The following TAGAP variants were observed in gnomAD, a reference collection of about 807,000 sequenced individuals.
TAGAP encodes the protein T-cell activation Rho GTPase-activating protein.
A neutral mutation model predicts 36.0 loss-of-function variants in TAGAP; 16 were observed. That is an observed-to-expected ratio of 0.44 (90% confidence interval 0.30 to 0.68). The LOEUF (loss-of-function observed/expected upper bound fraction) is 0.68, where lower values mean the gene tolerates loss of function less well. TAGAP is among the 30% of genes least tolerant of loss of function. The probability of loss-of-function intolerance (pLI) is 0.09; values close to 1 mark genes in which losing one functional copy is unlikely to be tolerated. For synonymous variants in TAGAP, 372 were observed against 377.4 expected (o/e 0.99, Z 0.17); for missense variants, 794 against 921.5 (o/e 0.86, Z 1.79).
At chr6:159,039,945 C>T (rs975019966) in intron 7 of TAGAP, among the ~76,000 whole-genome samples, 29 of 152,088 alleles carry the variant, frequency 1.9e-4, no homozygotes, top group African/African-American at 7.0e-4. Flanking sequence ...TATAAAAATG[C>T]CTTATGTCTA....
chr6:159,038,685 A>C (rs1225480136), intron 8 of TAGAP, among the ~76,000 whole-genome samples: 5 of 152,180 alleles, frequency 3.3e-5, no homozygotes, highest in African/African-American at 1.2e-4. Flanking sequence ...CCACCATGCC[A>C]ACAATCACAT....
chr6:159,041,975 T>A lies in TAGAP; in HGVS notation c.315+103A>T. The A allele has an allele frequency of 7.7e-7, 1 of 1,293,620 alleles. No individual in the cohort carries two copies. Among genetic ancestry groups the A allele is most frequent in the South Asian group, 1.4e-5 (1 of 70,554 alleles). 80.1% of individuals were successfully genotyped at this position (1,293,620 alleles called of 1,614,324 possible). A position where few individuals can be genotyped will look rare whatever the true frequency, so the allele number is the denominator to read the frequency against. ...GTTGAAGAGTGGAAAATATGGAAGA[T>A]CAGTCCCTACAAACTTAATAGGAGA... On this transcript the variant is annotated intron_variant, in intron 5 of 9. Transcript: ENST00000367066. This position sits in a 1 kb window ranked among gnomAD's most constrained non-coding sequence, Gnocchi z 4.1.
chr6:159,038,050 A>G (rs930609080), intron 9 of TAGAP, 64 bp downstream of exon 9: 3 of 1,073,164 alleles, frequency 2.8e-6, no homozygotes, highest in African/African-American at 1.6e-5. Flanking sequence ...GATGCTTTAC[A>G]TGACTGGCAG....
chr6:159,036,447 C>T lies in TAGAP; in HGVS notation c.1576G>A (p.Ala526Thr), dbSNP rs769115087. The change falls in exon 10 of 10, where the codon GCG becomes ACG. Residue 526 changes from alanine to threonine, a missense_variant. Ala to Thr is a moderately conservative substitution (Grantham distance 58). Coordinates refer to ENST00000367066, the MANE Select transcript of TAGAP (RefSeq NM_054114.5). The surrounding 1 kb of genome is among the most constrained non-coding windows in gnomAD (Gnocchi z 4.9). The part of the protein sequence containing the change: ...HKKVLTKNLS[A>T]GSGKSQDFTR... ...AAGTCTTGCGATTTCCCAGAGCCCGCGCTGAGGTTTTTGGTCAGCACTTTT... is the reference window on the plus strand; with the variant it reads ...AAGTCTTGCGATTTCCCAGAGCCCGTGCTGAGGTTTTTGGTCAGCACTTTT... 2.5e-6 allele frequency: 4 copies of T among 1,614,148 alleles called. No individual in the cohort carries two copies. Among genetic ancestry groups the T allele is most frequent in the African/African-American group, 2.7e-5 (2 of 75,032 alleles).
Position 159,035,991 on chromosome 6 carries a change from C to T in TAGAP, c.2032G>A (p.Asp678Asn). The T allele has an allele frequency of 6.2e-7, 1 of 1,614,014 alleles. No homozygotes were observed. Among genetic ancestry groups the T allele is most frequent in the Admixed American group, 1.7e-5 (1 of 60,008 alleles). ...KQSRTVHASG[D>N]SLGHVSGPGR... ...GGGCCAGACACGTGCCCCAGAGAGT[C>T]CCCAGAAGCATGGACAGTTCTGCTC... is the stretch of plus-strand genomic sequence containing the variant. The change falls in exon 10 of 10, where the codon GAC becomes AAC. Residue 678 changes from aspartate to asparagine, a missense_variant. Asp to Asn is a conservative substitution (Grantham distance 23). Transcript: ENST00000367066.
In TAGAP at chr6:159,035,850, A is replaced by G. The variant is rs537442916; in HGVS notation, c.2173T>C (p.Tyr725His). 8.7e-6 allele frequency: 14 copies of G among 1,602,370 alleles called. No homozygotes were observed. In the South Asian group the frequency reaches 1.2e-4, roughly 14 times the overall value. ...TCCTAAATATACGATTCTTTGGCAT[A>G]TTGGAATTGGTCAGCCTCAAAGACC... ...QPVFEADQFQ[Y>H]AKESYI The change falls in exon 10 of 10, where the codon TAT becomes CAT. Residue 725 changes from tyrosine (Y) to histidine (H), a missense_variant. Physicochemically the swap from Tyr to His is moderately conservative, Grantham distance 83 (BLOSUM62 2). Coordinates refer to ENST00000367066, the MANE Select transcript of TAGAP (RefSeq NM_054114.5).
chr6:159,042,147 T>A lies in TAGAP; in HGVS notation c.246A>T (p.Lys82Asn), dbSNP rs375785212. The A allele has an allele frequency of 1.2e-6, 2 of 1,614,114 alleles. No individual in the cohort carries two copies. The highest frequency in any genetic ancestry group is 2.7e-5 in the African/African-American group (2 of 74,932). The change falls in exon 5 of 10, where the codon AAA becomes AAT. Residue 82 changes from lysine to asparagine, a missense_variant. Physicochemically the swap from Lys to Asn is moderately conservative, Grantham distance 94. Coordinates refer to ENST00000367066, the MANE Select transcript of TAGAP (RefSeq NM_054114.5). ...ACAAGGGCTGATCAAATAGCGATGC[T>A]TTCAAGTCTGTCTCCAAAGCCCCAG... ...DFSGALETDL[K>N]ASLFDQPLSI... is the part of the protein sequence containing the mutation.
chr6:159,039,523 C>A (rs918238866), intron 7 of TAGAP, among the ~76,000 whole-genome samples: 4 of 152,144 alleles, frequency 2.6e-5, no homozygotes, highest in African/African-American at 9.7e-5. Flanking sequence ...AAGAAACTGG[C>A]CTTTGTAATT....
At chr6:159,040,867 A>G (rs778759673) in intron 6 of TAGAP, 35 bp from the exon 7 acceptor site, 1 of 1,516,610 alleles carries the variant, frequency 6.6e-7, no homozygotes, top group South Asian at 1.1e-5. Flanking sequence ...GCCTATTGGT[A>G]CTGTATGATG....
At position 159,036,737 on chromosome 6, in the gene TAGAP, G is replaced by A; in HGVS notation, c.1286C>T (p.Ala429Val). The A allele has an allele frequency of 6.2e-7, 1 of 1,614,188 alleles. No homozygotes were observed. Among genetic ancestry groups the A allele is most frequent in the Non-Finnish European group, 8.5e-7 (1 of 1,180,026 alleles). Residue 429 changes from alanine to valine, a missense_variant, in exon 10 of 10, where the codon GCA (alanine) becomes GTA (valine). Transcript: ENST00000367066. The surrounding 1 kb of genome is among the most constrained non-coding windows in gnomAD (Gnocchi z 4.9). ...CGGCCTCTTGGTTTTGCCTTGCACT[G>A]CAGGGAAGACCTCCTCTGGAAATGG... ...EDPFPEEVFP[A>V]VQGKTKRPVD...
chr6:159,036,820 T>C lies in TAGAP; in HGVS notation c.1203A>G (p.Glu401=). The change falls in exon 10 of 10, where the codon GAA becomes GAG. Residue 401 remains glutamate, a synonymous_variant. Coordinates refer to ENST00000367066, the MANE Select transcript of TAGAP (RefSeq NM_054114.5). This position sits in a 1 kb window ranked among gnomAD's most constrained non-coding sequence, Gnocchi z 4.9. ...CTACCCGGGGCACGGGGAAGTCCCC[T>C]TCACTCTTTGTTAGTGTTTGGTTTG... ...RVTNQTLTKS[E]GDFPVPRVGS... 1 of 1,614,226 alleles carries C rather than the reference T, an allele frequency of 6.2e-7. No homozygotes were observed. Among genetic ancestry groups the C allele is most frequent in the Non-Finnish European group, 8.5e-7 (1 of 1,180,040 alleles).
At position 159,044,952 on chromosome 6, in the gene TAGAP, C is replaced by G. The variant is rs1052727363; in HGVS notation, c.-132G>C. 7.5e-6 allele frequency: 3 copies of G among 398,508 alleles called. No homozygotes were observed. In the South Asian group the frequency reaches 3.8e-4, roughly 51 times the overall value. 24.7% of individuals were successfully genotyped at this position (398,508 alleles called of 1,614,324 possible). A position where few individuals can be genotyped will look rare whatever the true frequency, so the allele number is the denominator to read the frequency against. ...AGAATGGGAGAAACAGCATAACTCT[C>G]TGCTCCTTCTAGTCCACTGGGAGAG... On this transcript the variant is annotated 5_prime_UTR_variant, in exon 1 of 10. Transcript: ENST00000367066.
chr6:159,036,117 G>T lies in TAGAP; in HGVS notation c.1906C>A (p.Pro636Thr), dbSNP rs193056043. 6.2e-6 allele frequency: 10 copies of T among 1,613,716 alleles called. No individual in the cohort carries two copies. The highest frequency in any genetic ancestry group is 8.5e-6 in the Non-Finnish European group (10 of 1,179,810). ...RMLEAHCLLP[P>T]LPPAHHVEDS... is the part of the protein sequence containing the mutation. Reference sequence around the variant, plus strand: ...TCTACGTGGTGAGCAGGTGGAAGAGGGGGTAGGAGGCAGTGCGCCTCCAGC... The same window carrying T: ...TCTACGTGGTGAGCAGGTGGAAGAGTGGGTAGGAGGCAGTGCGCCTCCAGC... Residue 636 changes from proline to threonine, a missense_variant, in exon 10 of 10, where the codon CCT (proline) becomes ACT (threonine). Coordinates refer to ENST00000367066, the MANE Select transcript of TAGAP (RefSeq NM_054114.5). The surrounding 1 kb of genome is among the most constrained non-coding windows in gnomAD (Gnocchi z 4.9).
chr6:159,041,682 C>G lies in TAGAP; in HGVS notation c.316-167G>C. On this transcript the variant is annotated intron_variant, in intron 5 of 9. Transcript: ENST00000367066. The surrounding 1 kb of genome is among the most constrained non-coding windows in gnomAD (Gnocchi z 4.1). ...TAAGAGGAGGCAAATTGTGAAAGCT[C>G]TAATTTTGCACTTTCTAAAATCACT... The G allele has an allele frequency of 1.3e-6, 1 of 743,616 alleles. No homozygotes were observed. Among genetic ancestry groups the G allele is most frequent in the Admixed American group, 3.3e-5 (1 of 30,544 alleles). The allele number at this position is 743,616 out of a possible 1,614,324, so 46.1% of individuals were successfully genotyped here. A position where few individuals can be genotyped will look rare whatever the true frequency, so the allele number is the denominator to read the frequency against.
chr6:159,035,878 C>G lies in TAGAP; in HGVS notation c.2145G>C (p.Gln715His). ...KRDCLVRRCS[Q>H]PVFEADQFQY... ...GGAATTGGTCAGCCTCAAAGACCGGCTGGCTACATCGTCGCACGAGACAGT... is the reference window on the plus strand; with the variant it reads ...GGAATTGGTCAGCCTCAAAGACCGGGTGGCTACATCGTCGCACGAGACAGT... The change falls in exon 10 of 10, where the codon CAG (glutamine) becomes CAC (histidine). Residue 715 changes from glutamine to histidine, a missense_variant. Transcript: ENST00000367066. 6.2e-7 allele frequency: 1 copy of G among 1,610,820 alleles called. No homozygotes were observed. The highest frequency in any genetic ancestry group is 8.5e-7 in the Non-Finnish European group (1 of 1,177,234).
intron 8 of TAGAP, among the ~76,000 whole-genome samples, chr6:159,038,569 T>C (rs970006356): frequency 2.6e-5 from 4 of 152,116 alleles, no homozygotes; most frequent in Admixed American, 6.5e-5. Context: ...TTTCTATTTT[T>C]AGTGGAGACG....
intron 7 of TAGAP, among the ~76,000 whole-genome samples, chr6:159,040,372 G>A (rs759233869): frequency 6.6e-6 from 1 of 152,166 alleles, no homozygotes; most frequent in African/African-American, 2.4e-5. Context: ...AGATAATCCC[G>A]AATTTCTACA....
At position 159,035,719 on chromosome 6, in the gene TAGAP, T is replaced by TGA; in HGVS notation, c.*107_*108insTC. 1 of 1,203,498 alleles carries TGA rather than the reference T, an allele frequency of 8.3e-7. No homozygotes were observed. Among genetic ancestry groups the TGA allele is most frequent in the East Asian group, 2.5e-5 (1 of 39,250 alleles). The allele number at this position is 1,203,498 out of a possible 1,614,324, so 74.6% of individuals were successfully genotyped here. On this transcript the variant is annotated 3_prime_UTR_variant, in exon 10 of 10. Coordinates refer to ENST00000367066, the MANE Select transcript of TAGAP (RefSeq NM_054114.5). Reference sequence around the variant, plus strand: ...TCACTGAGGAGGGCTTTCCACAACTTTCTCAAGGAGCTTATTCAAGACCTT... The same window carrying TGA: ...TCACTGAGGAGGGCTTTCCACAACTTGATCTCAAGGAGCTTATTCAAGACCTT...
At position 159,041,917 on chromosome 6, in the gene TAGAP, T is replaced by G. The variant is rs117039993; in HGVS notation, c.315+161A>C. 9.0e-3 allele frequency: 6,928 copies of G among 771,910 alleles called. 45 individuals are homozygous for G. Among genetic ancestry groups the G allele is most frequent in the Middle Eastern group, 0.02 (53 of 2,600 alleles). The allele number at this position is 771,910 out of a possible 1,614,324, so 47.8% of individuals were successfully genotyped here. A position where few individuals can be genotyped will look rare whatever the true frequency, so the allele number is the denominator to read the frequency against. Reference sequence around the variant, plus strand: ...TTCTGGAATGGAAGCAGTCAGATATTCTTCTGACTGCACGCGTATGTGGGA... The same window carrying G: ...TTCTGGAATGGAAGCAGTCAGATATGCTTCTGACTGCACGCGTATGTGGGA... On this transcript the variant is annotated intron_variant, in intron 5 of 9. Coordinates refer to ENST00000367066, the MANE Select transcript of TAGAP (RefSeq NM_054114.5). This position sits in a 1 kb window ranked among gnomAD's most constrained non-coding sequence, Gnocchi z 4.1.
Sources: allele counts gnomAD v4.1 joint callset (sites outside exome capture counted in the v4.1 genomes callset), GRCh38; gene constraint gnomAD v4.1.1; non-coding constraint Gnocchi (gnomAD v3.1); transcripts MANE v1.5; gene names NCBI Gene and HGNC (gene_info 2026-07-23, HGNC 2026-07-21).